BIRC3: variants seen among roughly 807,000 people sequenced by gnomAD.
BIRC3 encodes baculoviral IAP repeat containing 3.
A neutral mutation model predicts 59.0 loss-of-function variants in BIRC3; 26 were observed. The ratio of observed to expected loss-of-function variants is 0.44; its 90% confidence interval spans 0.32 to 0.61. The LOEUF is 0.61. BIRC3 is among the 20% of genes least tolerant of loss of function. BIRC3 has a pLI of 0.04. For synonymous variants in BIRC3, 243 were observed against 249.2 expected (o/e 0.98, Z 0.24); for missense variants, 641 against 711.5 (o/e 0.90, Z 1.13).
In BIRC3 at chr11:102,328,929, A is replaced by G; in HGVS notation, c.1065A>G (p.Glu355=). 1 of 1,452,944 alleles carries G rather than the reference A, an allele frequency of 6.9e-7. No homozygotes were observed. The highest frequency in any genetic ancestry group is 9.1e-7 in the Non-Finnish European group (1 of 1,102,824). The allele number at this position is 1,452,944 out of a possible 1,614,324, so 90.0% of individuals were successfully genotyped here. The change falls in exon 5 of 9, where the codon GAA becomes GAG. Residue 355 remains glutamate (E), a synonymous_variant. Coordinates refer to ENST00000263464, the MANE Select transcript of BIRC3 (RefSeq NM_001165.5). ...LLSTSDSPGD[E]NAESSIIHFE... ...CCACATCAGACAGCCCAGGAGATGA[A>G]AATGCAGAGTCATCAAGTAAGTACA...
In BIRC3 at chr11:102,324,449, C is replaced by G; in HGVS notation, c.-61C>G. ...GTATTAAAACTGATAAAAGCAAAGC[C>G]ATGCACAAAACTACCTCCCTAGAGA... On this transcript the variant is annotated 5_prime_UTR_variant, in exon 2 of 9. Transcript: ENST00000263464. 3.3e-6 allele frequency: 5 copies of G among 1,515,808 alleles called. No homozygotes were observed. Among genetic ancestry groups the G allele is most frequent in the Non-Finnish European group, 4.4e-6 (5 of 1,134,080 alleles). The allele number at this position is 1,515,808 out of a possible 1,614,324, so 93.9% of individuals were successfully genotyped here.
In BIRC3 at chr11:102,337,560, T is replaced by G. The variant is rs1392711461; in HGVS notation, c.*458T>G. 1 of 383,844 alleles carries G rather than the reference T, an allele frequency of 2.6e-6. No individual in the cohort carries two copies. The highest frequency in any genetic ancestry group is 2.1e-5 in the African/African-American group (1 of 48,310). 23.8% of individuals were successfully genotyped at this position (383,844 alleles called of 1,614,324 possible). A position where few individuals can be genotyped will look rare whatever the true frequency, so the allele number is the denominator to read the frequency against. ...CTGGGCAGCATACTGAGACCCTGCCTTTAAAAACAAACAGAACAAAAACAA... is the reference window on the plus strand; with the variant it reads ...CTGGGCAGCATACTGAGACCCTGCCGTTAAAAACAAACAGAACAAAAACAA... On this transcript the variant is annotated 3_prime_UTR_variant, in exon 9 of 9. Transcript: ENST00000263464.
rs200499457 is a variant in BIRC3 at position 102,336,979 on chromosome 11, A to G, written c.1692A>G (p.Glu564=). 2 of 1,602,408 alleles carry G rather than the reference A, an allele frequency of 1.2e-6. No homozygotes were observed. The highest frequency in any genetic ancestry group is 2.2e-5 in the East Asian group (1 of 44,690). Residue 564 remains glutamate (E), a synonymous_variant, in exon 9 of 9, where the codon GAA becomes GAG. Transcript: ENST00000263464. The part of the protein sequence containing the change: ...ERTCKVCMDK[E]VSIVFIPCGH... ...CATGTAAAGTGTGTATGGACAAAGA[A>G]GTGTCCATAGTGTTTATTCCTTGTG...
In BIRC3 at chr11:102,324,500, T is replaced by C. The variant is rs1381039523; in HGVS notation, c.-10T>C. The stretch of plus-strand genomic sequence containing the variant: ...AAGGCTAGTCCCTTTTCTTCCCCAT[T>C]CATTTCATTATGAACATAGTAGAAA... On this transcript the variant is annotated 5_prime_UTR_variant, in exon 2 of 9. Coordinates refer to ENST00000263464, the MANE Select transcript of BIRC3 (RefSeq NM_001165.5). 3 of 1,593,780 alleles carry C rather than the reference T, an allele frequency of 1.9e-6. No individual in the cohort carries two copies. Among genetic ancestry groups the C allele is most frequent in the East Asian group, 2.2e-5 (1 of 44,686 alleles).
intron 1 of BIRC3, among the ~76,000 whole-genome samples, chr11:102,321,057 T>C (rs1223692292): frequency 6.6e-6 from 1 of 152,224 alleles, no homozygotes; most frequent in Non-Finnish European, 1.5e-5. Flanking sequence ...TTAAAAATAC[T>C]GTGGTCCAAG....
In BIRC3 at chr11:102,331,068, C is replaced by T. The variant is rs145818257; in HGVS notation, c.1151C>T (p.Ala384Val). 77 of 1,613,684 alleles carry T rather than the reference C, an allele frequency of 4.8e-5. No homozygotes were observed. Among genetic ancestry groups the T allele is most frequent in the Non-Finnish European group, 5.8e-5 (68 of 1,179,872 alleles). ...AIMMNTPVIN[A>V]AVEMGFSRSL... ...ATGATGAATACTCCTGTGATTAATG[C>T]TGCCGTGGAAATGGGCTTTAGTAGA... The change falls in exon 6 of 9, where the codon GCT (alanine) becomes GTT (valine). Residue 384 changes from alanine to valine, a missense_variant. Ala to Val is a moderately conservative substitution (Grantham distance 64). Around this residue, in one of 4 missense-constraint regions of BIRC3, gnomAD observed 268 missense variants for 255.7 expected, o/e 1.05. Transcript: ENST00000263464.
intron 6 of BIRC3, among the ~76,000 whole-genome samples, chr11:102,332,057 A>G (rs1404859711): frequency 6.6e-6 from 1 of 152,214 alleles, no homozygotes; most frequent in African/African-American, 2.4e-5. Flanking sequence ...AGTCTTCCAG[A>G]GCATCCGTCG....
intron 6 of BIRC3, among the ~76,000 whole-genome samples, chr11:102,332,918 A>G (rs17885322): frequency 6.6e-6 from 1 of 152,160 alleles, no homozygotes; most frequent in Admixed American, 6.5e-5. Context: ...ATCAGCCAAC[A>G]ATTGCTCAAA....
chr11:102,318,070 G>A (rs566663701), intron 1 of BIRC3, among the ~76,000 whole-genome samples: 13 of 152,216 alleles, frequency 8.5e-5, no homozygotes, highest in African/African-American at 2.6e-4. Context: ...ATACATTGTC[G>A]AAGGCATGTA....
chr11:102,326,266 A>G (rs1404698956), intron 3 of BIRC3, among the ~76,000 whole-genome samples: 1 of 152,222 alleles, frequency 6.6e-6, no homozygotes, highest in East Asian at 1.9e-4. Flanking sequence ...AATAAAAAGA[A>G]CAAAGAGGAG....
At chr11:102,334,727 G>A (rs11225211) in intron 6 of BIRC3, among the ~76,000 whole-genome samples, 22,213 of 152,090 alleles carry the variant, frequency 0.15, 2,068 homozygotes, top group Admixed American at 0.21. Flanking sequence ...TAAAACTGCA[G>A]TTTTAAAATA....
At position 102,328,858 on chromosome 11, in the gene BIRC3, TTATA is replaced by T. The variant is rs35083591; in HGVS notation, c.1033-19_1033-16del. 1,078 of 604,646 alleles carry T rather than the reference TTATA, an allele frequency of 1.8e-3. 2 individuals carry two copies. Among genetic ancestry groups the T allele is most frequent in the African/African-American group, 3.0e-3 (148 of 48,936 alleles). 37.5% of individuals were successfully genotyped at this position (604,646 alleles called of 1,614,324 possible). On this transcript the variant is annotated intron_variant, in intron 4 of 8. Transcript: ENST00000263464. ...GGTAAGATAAGATTTCTATTTTAATTTATATATATATATATATATATATTTTTTT... is the reference window on the plus strand; with the variant it reads ...GGTAAGATAAGATTTCTATTTTAATTTATATATATATATATATATTTTTTT...
Position 102,331,284 on chromosome 11 carries a change from A to G in BIRC3, c.1324+43A>G, listed in dbSNP as rs12294646. Reference sequence around the variant, plus strand: ...TACAGTCTATTTTCATAAGGATTTGATATCAGTCTATATGTTATGAAAAAT... The same window carrying G: ...TACAGTCTATTTTCATAAGGATTTGGTATCAGTCTATATGTTATGAAAAAT... On this transcript the variant is annotated intron_variant, in intron 6 of 8. Transcript: ENST00000263464. 2.2e-3 allele frequency: 3,428 copies of G among 1,542,580 alleles called. 64 individuals are homozygous for G. In the African/African-American group the frequency reaches 0.042, roughly 19 times the overall value.
intron 3 of BIRC3, among the ~76,000 whole-genome samples, chr11:102,327,182 TA>T (rs1280734886): frequency 6.6e-6 from 1 of 152,248 alleles, no homozygotes; most frequent in East Asian, 1.9e-4. Flanking sequence ...AAATGAATAG[TA>T]AATTGATTAT....
chr11:102,326,719 T>C (rs1057394578), intron 3 of BIRC3: 54 of 454,724 alleles, frequency 1.2e-4, no homozygotes, highest in Non-Finnish European at 2.2e-4. Flanking sequence ...TTTTCCTCTT[T>C]TCTTTTGAGA....
At chr11:102,332,345 C>T (rs544569737) in intron 6 of BIRC3, among the ~76,000 whole-genome samples, 1 of 152,298 alleles carries the variant, frequency 6.6e-6, no homozygotes, top group Admixed American at 6.5e-5. Context: ...TTACTGGAGA[C>T]TTAAGGAAAA....
intron 6 of BIRC3, among the ~76,000 whole-genome samples, chr11:102,333,279 A>G (rs1951163267): frequency 6.6e-6 from 1 of 152,106 alleles, no homozygotes; most frequent in Non-Finnish European, 1.5e-5. Flanking sequence ...AAATAATAAT[A>G]TGGCTGAGTG....
chr11:102,319,220 T>A (rs915683941), intron 1 of BIRC3, among the ~76,000 whole-genome samples: 1 of 84,438 alleles, frequency 1.2e-5, no homozygotes, highest in Non-Finnish European at 3.1e-5. Flanking sequence ...ATTTTTTGTA[T>A]TTTTTTTAGT....
At position 102,324,984 on chromosome 11, in the gene BIRC3, A is replaced by G. The variant is rs1951067133; in HGVS notation, c.475A>G (p.Arg159Gly). The G allele has an allele frequency of 1.9e-6, 3 of 1,614,212 alleles. No individual in the cohort carries two copies. Among genetic ancestry groups the G allele is most frequent in the Non-Finnish European group, 2.5e-6 (3 of 1,180,028 alleles). ...RANQDFSALM[R>G]SSYHCAMNNE... ...AAATCAAGATTTTTCTGCCTTGATG[A>G]GAAGTTCCTACCACTGTGCAATGAA... The change falls in exon 2 of 9, where the codon AGA becomes GGA. Residue 159 changes from arginine (R) to glycine (G), a missense_variant. By Grantham distance (125) the Arg-to-Gly change is moderately radical. Transcript: ENST00000263464.
Sources: allele counts gnomAD v4.1 joint callset (sites outside exome capture counted in the v4.1 genomes callset), GRCh38; gene constraint gnomAD v4.1.1; regional missense constraint gnomAD v4.1.1; transcripts MANE v1.5; gene names NCBI Gene and HGNC (gene_info 2026-07-23, HGNC 2026-07-21).